Variants in TOP3B observed in about 807,000 individuals in gnomAD.
TOP3B encodes DNA topoisomerase III beta.
TOP3B carries 45 observed loss-of-function variants against 93.9 expected under a neutral mutation model. That is an observed-to-expected ratio of 0.48 (90% CI 0.38 to 0.61). TOP3B has a LOEUF of 0.61. Ranked by LOEUF, TOP3B falls within the 20% of genes least tolerant of loss-of-function variation. The pLI is 0.00. For synonymous variants in TOP3B, 357 were observed against 472.6 expected (o/e 0.76, Z 3.17); for missense variants, 750 against 1,156.1 (o/e 0.65, Z 5.09).
At position 21,974,334 on chromosome 22, in the gene TOP3B, G is replaced by A. The variant is rs745413959; in HGVS notation, c.202+23C>T. On this transcript the variant is annotated intron_variant, in intron 3 of 17. Coordinates refer to ENST00000357179, the MANE Select transcript of TOP3B (RefSeq NM_001282112.2). ...GTGCCATGCAGAACTCCCTTCAGTA[G>A]GATGGAGGGTAGAGGGGCTTACCCA... 5.0e-6 allele frequency: 8 copies of A among 1,608,442 alleles called. No homozygotes were observed. The Admixed American group carries it at 1.3e-4, about 27-fold the overall frequency.
chr22:21,979,920 G>C (rs1211209222), intron 1 of TOP3B, among the ~76,000 whole-genome samples: 1 of 121,384 alleles, frequency 8.2e-6, no homozygotes, highest in Non-Finnish European at 1.6e-5. Flanking sequence ...CAGCCTGGGC[G>C]ACAGAGTGAG....
intron 8 of TOP3B, chr22:21,966,448 G>C (rs889103370): frequency 3.3e-5 from 5 of 152,176 alleles, no homozygotes; most frequent in African/African-American, 9.7e-5. Context: ...TTGTGGGGAG[G>C]GCTGCTGCCT....
intron 1 of TOP3B, among the ~76,000 whole-genome samples, chr22:21,978,504 C>T (rs238777): frequency 0.025 from 3,881 of 152,222 alleles, 186 homozygotes; most frequent in African/African-American, 0.089. Context: ...GTGTGTTAAA[C>T]GGGACCTGCC....
intron 13 of TOP3B, chr22:21,960,951 C>G (rs2071150341): frequency 3.2e-5 from 5 of 158,212 alleles, no homozygotes; most frequent in Admixed American, 3.0e-4. Flanking sequence ...GTCACGATCC[C>G]CAGGGGAGGC....
At chr22:21,979,301 G>A (rs2084564584) in intron 1 of TOP3B, among the ~76,000 whole-genome samples, 1 of 152,030 alleles carries the variant, frequency 6.6e-6, no homozygotes, top group Non-Finnish European at 1.5e-5. Context: ...GCAGGAAGTG[G>A]GAGTCAAAGA....
At chr22:21,962,226 G>A (rs2071213750) in intron 13 of TOP3B, 1 of 1,511,574 alleles carries the variant, frequency 6.6e-7, no homozygotes, top group African/African-American at 1.4e-5. Context: ...GGGAAGGCCA[G>A]GTCCTGAATG....
intron 4 of TOP3B, chr22:21,972,155 G>T: frequency 1.9e-6 from 1 of 539,780 alleles, no homozygotes; most frequent in African/African-American, 1.9e-5. Context: ...GATGTTTTTT[G>T]GACCAAAAAA....
Position 21,968,970 on chromosome 22 carries a change from C to G in TOP3B, c.582-195G>C. ...TCATGTGTGTACATGGGTGACAGAG[C>G]CAGTGAGAGAGGAGACAGAGGTTTC... On this transcript the variant is annotated intron_variant, in intron 6 of 17. Transcript: ENST00000357179. 8.5e-6 allele frequency: 5 copies of G among 585,132 alleles called. No individual in the cohort carries two copies. In the South Asian group the frequency reaches 1.0e-4, roughly 12 times the overall value. The allele number at this position is 585,132 out of a possible 1,614,324, so 36.2% of individuals were successfully genotyped here.
At position 21,959,877 on chromosome 22, in the gene TOP3B, C is replaced by T. The variant is rs73388155; in HGVS notation, c.1655-141G>A. The T allele has an allele frequency of 5.4e-3, 6,253 of 1,158,866 alleles. 268 individuals carry two copies. In the African/African-American group the frequency reaches 0.085, roughly 16 times the overall value. 71.8% of individuals were successfully genotyped at this position (1,158,866 alleles called of 1,614,324 possible). On this transcript the variant is annotated intron_variant, in intron 14 of 17. Coordinates refer to ENST00000357179, the MANE Select transcript of TOP3B (RefSeq NM_001282112.2). ...GGCCTCTGCCCTACCCACCAGTCCA[C>T]AGCCTCAGATGGTACCAGGCTGGCT...
intron 8 of TOP3B, chr22:21,966,432 T>C (rs1410486114): frequency 6.6e-6 from 1 of 152,172 alleles, no homozygotes; most frequent in Non-Finnish European, 1.5e-5. Flanking sequence ...GAAGTACCAC[T>C]CCTTGTTGTG....
rs1415109453 is a variant in TOP3B at position 21,959,501 on chromosome 22, C to T, written c.1804+86G>A. The stretch of plus-strand genomic sequence containing the variant: ...GAAGCCCAGATCTGGGAGCTGGTCC[C>T]ACGTGGGGACCTGGGTCCCCAGGTA... On this transcript the variant is annotated intron_variant, in intron 15 of 17. Transcript: ENST00000357179. 10 of 1,524,714 alleles carry T rather than the reference C, an allele frequency of 6.6e-6. No individual in the cohort carries two copies. In the Admixed American group the frequency reaches 1.5e-4, roughly 22 times the overall value. 94.4% of individuals were successfully genotyped at this position (1,524,714 alleles called of 1,614,324 possible).
At chr22:21,968,524 A>G in intron 7 of TOP3B, 95 bp downstream of exon 7, 2 of 1,523,856 alleles carry the variant, frequency 1.3e-6, no homozygotes, top group Non-Finnish European at 1.8e-6. Context: ...TTCTGCCCTC[A>G]GCCCGGGGCC....
intron 1 of TOP3B, among the ~76,000 whole-genome samples, chr22:21,981,243 A>T (rs958066732): frequency 1.3e-5 from 2 of 152,188 alleles, no homozygotes; most frequent in African/African-American, 4.8e-5. Flanking sequence ...CTAGGCAGGG[A>T]TGCTAATAGG....
intron 2 of TOP3B, 43 bp from the exon 3 acceptor site, chr22:21,974,531 G>C (rs1420847297): frequency 1.3e-6 from 2 of 1,550,544 alleles, no homozygotes; most frequent in Non-Finnish European, 1.7e-6. Flanking sequence ...CTTCAGCTGA[G>C]CTGAAGACCC....
chr22:21,959,313 G>A (rs2071065660), intron 15 of TOP3B, 81 bp from the exon 16 acceptor site: 1 of 1,584,296 alleles, frequency 6.3e-7, no homozygotes, highest in East Asian at 2.2e-5. Flanking sequence ...AAGGGTCTGA[G>A]TGTGAAAGGG....
Position 21,959,637 on chromosome 22 carries a change from G to T in TOP3B, c.1754C>A (p.Thr585Asn). Residue 585 changes from threonine (T) to asparagine (N), a missense_variant, in exon 15 of 18, where the codon ACC (threonine) becomes AAC (asparagine). Thr to Asn is a moderately conservative substitution (Grantham distance 65). This residue lies in a region of TOP3B where 737 missense variants were observed against 933.7 expected (regional missense o/e 0.79). Coordinates refer to ENST00000357179, the MANE Select transcript of TOP3B (RefSeq NM_001282112.2). The stretch of plus-strand genomic sequence containing the variant: ...GAACTTCCTCTTGAACACGTCCAGG[G>T]TGTGGCCCAGGACCTGGCGGTAGTC... ...KADYRQVLGH[T>N]LDVFKRKFHY... The T allele has an allele frequency of 6.2e-7, 1 of 1,613,834 alleles. No homozygotes were observed. Among genetic ancestry groups the T allele is most frequent in the Non-Finnish European group, 8.5e-7 (1 of 1,179,910 alleles).
intron 15 of TOP3B, 109 bp downstream of exon 15, chr22:21,959,478 A>C: frequency 6.6e-7 from 1 of 1,515,372 alleles, no homozygotes; most frequent in Non-Finnish European, 8.8e-7. Context: ...GGAGGCCTGA[A>C]GCCCAGATCT....
rs777476655 is a variant in TOP3B at position 21,974,408 on chromosome 22, G to A, written c.151C>T (p.Arg51Cys). ...CCACAGACAGACGTCATCTTGAAGCGCACTGGCTGGCCAGCAAAGGTCCCA... is the reference window on the plus strand; with the variant it reads ...CCACAGACAGACGTCATCTTGAAGCACACTGGCTGGCCAGCAAAGGTCCCA... ...YTGTFAGQPV[R>C]FKMTSVCGHV... is the part of the protein sequence containing the mutation. The change falls in exon 3 of 18, where the codon CGC becomes TGC. Residue 51 changes from arginine to cysteine, a missense_variant. Transcript: ENST00000357179. 3.7e-6 allele frequency: 6 copies of A among 1,614,032 alleles called. No homozygotes were observed. Among genetic ancestry groups the A allele is most frequent in the African/African-American group, 1.3e-5 (1 of 74,934 alleles).
chr22:21,959,458 C>T (rs1384414107), intron 15 of TOP3B, 129 bp downstream of exon 15: 6 of 1,510,498 alleles, frequency 4.0e-6, no homozygotes, highest in Admixed American at 2.2e-5. Flanking sequence ...GTGTCACTGA[C>T]CTGGCCTACG....
Sources: gnomAD v4.1 joint callset for allele counts (sites outside exome capture counted in the v4.1 genomes callset) on GRCh38, gnomAD v4.1.1 for gene constraint, gnomAD v4.1.1 regional missense constraint, MANE v1.5 for transcripts, NCBI Gene and HGNC (gene_info 2026-07-23, HGNC 2026-07-21) for gene names.